Variants in SLC12A6 observed in about 807,000 individuals in gnomAD.
The protein encoded by SLC12A6 is K-Cl cotransporter 3.
A neutral mutation model predicts 135.3 loss-of-function variants in SLC12A6; 66 were observed. The ratio of observed to expected loss-of-function variants is 0.49; its 90% CI spans 0.40 to 0.60. The LOEUF (loss-of-function observed/expected upper bound fraction) is 0.60. SLC12A6 is among the 20% of genes least tolerant of loss of function. SLC12A6 has a pLI of 0.00. For synonymous variants in SLC12A6, 513 were observed against 508.8 expected (o/e 1.01, Z -0.11); for missense variants, 1,058 against 1,452.3 (o/e 0.73, Z 4.41).
At chr15:34,238,681 G>C (rs1891440576) in intron 20 of SLC12A6, 1 of 597,374 alleles carries the variant, frequency 1.7e-6, no homozygotes. Flanking sequence ...AACAATTCTT[G>C]CAATTCCTGT....
At chr15:34,274,567 C>T (rs545012012) in intron 3 of SLC12A6, among the ~76,000 whole-genome samples, 7 of 152,266 alleles carry the variant, frequency 4.6e-5, no homozygotes, top group African/African-American at 1.7e-4. Context: ...GTAATCCCAG[C>T]ATTTTGGGAG....
chr15:34,262,633 ATGG>A (rs1893226816), intron 3 of SLC12A6, among the ~76,000 whole-genome samples: 1 of 152,174 alleles, frequency 6.6e-6, no homozygotes, highest in African/African-American at 2.4e-5. Context: ...GGGGCTGCAG[ATGG>A]TGGGACTAAA....
At chr15:34,267,269 TA>T (rs1284886599) in intron 3 of SLC12A6, among the ~76,000 whole-genome samples, 1 of 152,136 alleles carries the variant, frequency 6.6e-6, no homozygotes, top group African/African-American at 2.4e-5. Flanking sequence ...AATAAGATAT[TA>T]GAGTTGTTTT....
chr15:34,316,429 A>G (rs1888656222), intron 2 of SLC12A6, among the ~76,000 whole-genome samples: 1 of 152,216 alleles, frequency 6.6e-6, no homozygotes, highest in Admixed American at 6.5e-5. Context: ...GATTGTTCTG[A>G]CATACATTTC....
chr15:34,249,506 G>A (rs758031146), intron 13 of SLC12A6, among the ~76,000 whole-genome samples: 8 of 152,200 alleles, frequency 5.3e-5, no homozygotes, highest in Non-Finnish European at 1.2e-4. Context: ...GGTTGAGGCT[G>A]TAGGGAGCTG....
chr15:34,235,436 T>TTTTTG (rs1891191531), intron 24 of SLC12A6, 122 bp from the exon 25 acceptor site: 1 of 765,362 alleles, frequency 1.3e-6, no homozygotes, highest in Non-Finnish European at 2.1e-6. Context: ...AAATGATTTT[T>TTTTTG]TTTTTTTTTT....
At chr15:34,281,106 A>T (rs1894649534) in intron 2 of SLC12A6, among the ~76,000 whole-genome samples, 1 of 152,156 alleles carries the variant, frequency 6.6e-6, no homozygotes, top group Non-Finnish European at 1.5e-5. Flanking sequence ...ATAGCTAGAT[A>T]AAAAAAGAGT....
At chr15:34,297,983 G>T (rs1895986826) in intron 2 of SLC12A6, among the ~76,000 whole-genome samples, 1 of 152,120 alleles carries the variant, frequency 6.6e-6, no homozygotes, top group African/African-American at 2.4e-5. Context: ...CATCTCTAAG[G>T]CTAACTGTCT....
chr15:34,336,827 T>A (rs1032201479), intron 1 of SLC12A6, 75 bp from the exon 2 acceptor site: 7 of 698,464 alleles, frequency 1.0e-5, no homozygotes, highest in Non-Finnish European at 1.5e-5. Flanking sequence ...AAGCCCCAAC[T>A]AAGAATACTT....
intron 2 of SLC12A6, among the ~76,000 whole-genome samples, chr15:34,327,986 C>G (rs1022095922): frequency 6.6e-6 from 1 of 151,738 alleles, no homozygotes; most frequent in African/African-American, 2.4e-5. Flanking sequence ...CTCAAGGCCA[C>G]GACAAATATA....
rs1392925968 is a variant in SLC12A6, at chr15:34,232,177, T to G, written c.*1704A>C. ...TTCCCTATGCTTGTAAGCCAGATGT[T>G]TGATCAGTATATTAGTAAATAAAAA... On this transcript the variant is annotated 3_prime_UTR_variant, in exon 26 of 26. Transcript: ENST00000354181. 2 of 152,234 alleles carry G rather than the reference T, an allele frequency of 1.3e-5. No homozygotes were observed. The highest frequency in any genetic ancestry group is 4.8e-5 in the African/African-American group (2 of 41,464). 9.4% of individuals were successfully genotyped at this position (152,234 alleles called of 1,614,324 possible).
At chr15:34,330,903 G>T (rs1241147430) in intron 2 of SLC12A6, among the ~76,000 whole-genome samples, 1 of 152,036 alleles carries the variant, frequency 6.6e-6, no homozygotes, top group African/African-American at 2.4e-5. Context: ...TTAGCTGGGT[G>T]TAGTGGCACG....
intron 2 of SLC12A6, among the ~76,000 whole-genome samples, chr15:34,286,725 G>C (rs1266726415): frequency 6.6e-6 from 1 of 152,102 alleles, no homozygotes; most frequent in Non-Finnish European, 1.5e-5. Flanking sequence ...GAACCTGGCA[G>C]GCGGAGGTTG....
intron 13 of SLC12A6, among the ~76,000 whole-genome samples, chr15:34,247,791 A>G (rs1387237638): frequency 1.3e-5 from 2 of 151,610 alleles, no homozygotes; most frequent in East Asian, 1.9e-4. Context: ...TGTAGCCTCA[A>G]CCTCCTGGGT....
At chr15:34,292,152 A>G (rs994475929) in intron 2 of SLC12A6, among the ~76,000 whole-genome samples, 1 of 152,028 alleles carries the variant, frequency 6.6e-6, no homozygotes, top group Non-Finnish European at 1.5e-5. Context: ...GATGTTGGTG[A>G]CTTACAGATG....
intron 3 of SLC12A6, among the ~76,000 whole-genome samples, chr15:34,272,263 C>T (rs1214755480): frequency 1.3e-5 from 2 of 152,180 alleles, no homozygotes; most frequent in East Asian, 1.9e-4. Flanking sequence ...TGAACCACGG[C>T]GCCTGGTTGG....
chr15:34,308,860 G>C (rs1186773054), intron 2 of SLC12A6, among the ~76,000 whole-genome samples: 1 of 152,126 alleles, frequency 6.6e-6, no homozygotes, highest in African/African-American at 2.4e-5. Flanking sequence ...TGAAAAAACA[G>C]AGCAGCCTAG....
intron 3 of SLC12A6, among the ~76,000 whole-genome samples, chr15:34,267,072 G>C (rs1893574049): frequency 6.6e-6 from 1 of 151,154 alleles, no homozygotes; most frequent in Admixed American, 6.6e-5. Flanking sequence ...TGTTCTTTCA[G>C]CAATTACCCT....
intron 2 of SLC12A6, among the ~76,000 whole-genome samples, chr15:34,326,572 A>G (rs894304775): frequency 1.3e-5 from 2 of 152,202 alleles, no homozygotes; most frequent in African/African-American, 4.8e-5. Flanking sequence ...GTAACTCAGC[A>G]CTACTACACT....
Sources: gnomAD v4.1 joint callset for allele counts (sites outside exome capture counted in the v4.1 genomes callset) on GRCh38, gnomAD v4.1.1 for gene constraint, MANE v1.5 for transcripts, NCBI Gene and HGNC (gene_info 2026-07-23, HGNC 2026-07-21) for gene names.